The following NALCN variants were observed in gnomAD, a reference collection of about 807,000 sequenced individuals.
The protein encoded by NALCN is sodium leak channel, non-selective.
Under a neutral mutation model 225.3 loss-of-function variants are expected in NALCN, and 111 were observed. The observed-to-expected ratio is 0.49, with a 90% CI of 0.42 to 0.58. The LOEUF (loss-of-function observed/expected upper bound fraction) is 0.58, where lower values mean the gene tolerates loss of function less well. NALCN is among the 20% of genes least tolerant of loss of function. The pLI is 0.00. For synonymous variants in NALCN, 764 were observed against 769.0 expected (o/e 0.99, Z 0.11); for missense variants, 1,378 against 2,202.4 (o/e 0.63, Z 7.49).
chr13:101,308,566 G>C (rs142961800), intron 7 of NALCN, among the ~76,000 whole-genome samples: 87 of 152,276 alleles, frequency 5.7e-4, no homozygotes, highest in African/African-American at 2.0e-3. Flanking sequence ...TTGAGCCATT[G>C]TGTTGTGAGT....
chr13:101,086,174 T>C (rs1658099529), intron 30 of NALCN, among the ~76,000 whole-genome samples: 1 of 151,980 alleles, frequency 6.6e-6, no homozygotes, highest in Non-Finnish European at 1.5e-5. Flanking sequence ...TTTCCTTACT[T>C]TCTGTATCAT....
At chr13:101,100,452 T>TATC (rs1292946320) in intron 27 of NALCN, among the ~76,000 whole-genome samples, 1 of 152,168 alleles carries the variant, frequency 6.6e-6, no homozygotes, top group Non-Finnish European at 1.5e-5. Flanking sequence ...AGAAGAGACA[T>TATC]ATCACATGCT....
At chr13:101,138,717 G>T (rs188861331) in intron 17 of NALCN, among the ~76,000 whole-genome samples, 9 of 152,340 alleles carry the variant, frequency 5.9e-5, no homozygotes, top group Admixed American at 2.6e-4. Flanking sequence ...ACCTTGACTG[G>T]ATGTCTCACT....
At chr13:101,126,260 C>T (rs552635302) in intron 17 of NALCN, among the ~76,000 whole-genome samples, 1 of 152,214 alleles carries the variant, frequency 6.6e-6, no homozygotes, top group African/African-American at 2.4e-5. Flanking sequence ...TGGTGATTTC[C>T]CCCTCATGAG....
chr13:101,114,669 A>C (rs2139661242), intron 18 of NALCN, among the ~76,000 whole-genome samples: 1 of 152,332 alleles, frequency 6.6e-6, no homozygotes, highest in East Asian at 1.9e-4. Context: ...GCTTGGAGAG[A>C]GACATGACTA....
intron 10 of NALCN, among the ~76,000 whole-genome samples, chr13:101,270,035 C>G (rs1484124466): frequency 3.9e-5 from 6 of 152,012 alleles, no homozygotes; most frequent in Non-Finnish European, 8.8e-5. Flanking sequence ...TTTTTTTTAG[C>G]CTGATGTTCC....
Position 101,072,080 on chromosome 13 carries a change from C to CA in NALCN, c.4197+1503dup, listed in dbSNP as rs200585098. On this transcript the variant is annotated intron_variant, in intron 37 of 43. Coordinates refer to ENST00000251127, the MANE Select transcript of NALCN (RefSeq NM_052867.4). ...ATTGAGCATGGTTCATGGCACCCCTCAAAAAAAACTACAAAAGAAACATCA... is the reference window on the plus strand; with the variant it reads ...ATTGAGCATGGTTCATGGCACCCCTCAAAAAAAAACTACAAAAGAAACATCA... 8.7e-3 allele frequency among the ~76,000 whole-genome samples: 1,320 copies of CA among 151,580 alleles called. 8 individuals are homozygous for CA. The highest frequency in any genetic ancestry group is 0.013 in the Non-Finnish European group (876 of 67,884).
At position 101,336,959 on chromosome 13, in the gene NALCN, G is replaced by A. The variant is rs150535941; in HGVS notation, c.799+8307C>T. ...CCAAATAGCATATTTTCTTTTGCTTGCTAAGTTCTCTCCCACATCTCTAGC... is the reference window on the plus strand; with the variant it reads ...CCAAATAGCATATTTTCTTTTGCTTACTAAGTTCTCTCCCACATCTCTAGC... On this transcript the variant is annotated intron_variant, in intron 7 of 43. Coordinates refer to ENST00000251127, the MANE Select transcript of NALCN (RefSeq NM_052867.4). Among the ~76,000 whole-genome samples, 5 of 152,154 alleles carry A rather than the reference G, an allele frequency of 3.3e-5. No homozygotes were observed. In the East Asian group the frequency reaches 9.7e-4, roughly 29 times the overall value.
intron 1 of NALCN, among the ~76,000 whole-genome samples, chr13:101,412,118 A>G (rs1429819561): frequency 6.6e-6 from 1 of 152,182 alleles, no homozygotes; most frequent in Non-Finnish European, 1.5e-5. Context: ...ATGTTGGCTA[A>G]GTTTTATTAA....
rs184144841 is a variant in NALCN, at chr13:101,152,773, A to T, written c.1840-7877T>A. Among the ~76,000 whole-genome samples the T allele has an allele frequency of 2.3e-3, 356 of 152,240 alleles. 1 individual carries two copies. The highest frequency in any genetic ancestry group is 3.6e-3 in the Non-Finnish European group (244 of 68,012). On this transcript the variant is annotated intron_variant, in intron 15 of 43. Coordinates refer to ENST00000251127, the MANE Select transcript of NALCN (RefSeq NM_052867.4). ...GTCCCAAACATCTCTATTTTATATT[A>T]TATCTGTCCTTTGTTACTCCACTGA...
At chr13:101,092,491 A>G (rs550446617) in intron 28 of NALCN, among the ~76,000 whole-genome samples, 1 of 152,300 alleles carries the variant, frequency 6.6e-6, no homozygotes, top group East Asian at 1.9e-4. Context: ...TACCAAACCT[A>G]TGCCTAGACT....
intron 10 of NALCN, among the ~76,000 whole-genome samples, chr13:101,260,064 C>G (rs530402351): frequency 2.0e-5 from 3 of 152,108 alleles, no homozygotes; most frequent in South Asian, 4.2e-4. Context: ...TCTCTACTCT[C>G]TATGTCCATG....
intron 3 of NALCN, among the ~76,000 whole-genome samples, chr13:101,391,001 T>C (rs1235312767): frequency 6.6e-6 from 1 of 152,026 alleles, no homozygotes; most frequent in Admixed American, 6.6e-5. Flanking sequence ...ATGGCACATG[T>C]ATACATATGT....
At chr13:101,349,414 T>C (rs1437099855) in intron 6 of NALCN, among the ~76,000 whole-genome samples, 1 of 152,154 alleles carries the variant, frequency 6.6e-6, no homozygotes, top group Non-Finnish European at 1.5e-5. Context: ...GTAGATAATG[T>C]TGCATAGCAA....
chr13:101,089,055 G>T lies in NALCN; in HGVS notation c.3489+608C>A, dbSNP rs1241489548. Reference sequence around the variant, plus strand: ...TGGGATTACAGGCATGCGCCACCACGCCCGGCTAATTTTTGTATTTTTAGT... The same window carrying T: ...TGGGATTACAGGCATGCGCCACCACTCCCGGCTAATTTTTGTATTTTTAGT... On this transcript the variant is annotated intron_variant, in intron 30 of 43. Transcript: ENST00000251127. This position sits in a 1 kb window ranked among gnomAD's most constrained non-coding sequence, Gnocchi z 4.7. Among the ~76,000 whole-genome samples, 1 of 151,728 alleles carries T rather than the reference G, an allele frequency of 6.6e-6. No homozygotes were observed. The highest frequency in any genetic ancestry group is 2.1e-4 in the South Asian group (1 of 4,808).
At chr13:101,219,277 C>T (rs1308844335) in intron 13 of NALCN, among the ~76,000 whole-genome samples, 3 of 152,124 alleles carry the variant, frequency 2.0e-5, no homozygotes, top group Non-Finnish European at 4.4e-5. Flanking sequence ...AAAGTGTTTG[C>T]AACGGAATTA....
At chr13:101,121,897 C>A (rs1186328104) in intron 18 of NALCN, among the ~76,000 whole-genome samples, 2 of 151,462 alleles carry the variant, frequency 1.3e-5, no homozygotes, top group Non-Finnish European at 2.9e-5. Context: ...TTTCTCCTTC[C>A]CAATTTTGTG....
At chr13:101,363,526 T>C (rs913576060) in intron 6 of NALCN, among the ~76,000 whole-genome samples, 2 of 152,044 alleles carry the variant, frequency 1.3e-5, no homozygotes, top group African/African-American at 4.8e-5. Flanking sequence ...AAAATGGATA[T>C]CCATGTGCAG....
chr13:101,390,120 G>A (rs1201562999), intron 3 of NALCN, among the ~76,000 whole-genome samples: 3 of 151,808 alleles, frequency 2.0e-5, no homozygotes, highest in South Asian at 2.1e-4. Flanking sequence ...ATACATAAAC[G>A]TATAAACAGA....
Sources: gnomAD v4.1 joint callset for allele counts (sites outside exome capture counted in the v4.1 genomes callset) on GRCh38, gnomAD v4.1.1 for gene constraint, Gnocchi (gnomAD v3.1) non-coding constraint, MANE v1.5 for transcripts, NCBI Gene and HGNC (gene_info 2026-07-23, HGNC 2026-07-21) for gene names.